The following GRIA1 variants were observed in gnomAD, a reference collection of about 807,000 sequenced individuals.
The protein encoded by GRIA1 is glutamate receptor 1.
In GRIA1, 31 loss-of-function variants were observed where a neutral mutation model predicts 99.2. The observed-to-expected ratio is 0.31, with a 90% CI of 0.23 to 0.42. GRIA1 has a LOEUF of 0.42. Among genes scored for constraint, GRIA1 ranks in the 10% least tolerant of loss-of-function variants. GRIA1 has a pLI of 1.00. For missense variants in GRIA1, 782 were observed against 1,157.5 expected, an observed-to-expected ratio of 0.68 and a Z score of 4.71; for synonymous variants, 438 against 432.4, an observed-to-expected ratio of 1.01 and a Z score of -0.16.
At chr5:153,527,809 T>C (rs976170605) in intron 2 of GRIA1, among the ~76,000 whole-genome samples, 1 of 152,244 alleles carries the variant, frequency 6.6e-6, no homozygotes, top group Non-Finnish European at 1.5e-5. Flanking sequence ...TATATCTTCG[T>C]TGGTGAAATG....
rs115026250 is a variant in GRIA1, at chr5:153,764,799, T to C, written c.2022+167T>C. Among the ~76,000 whole-genome samples, 535 of 152,316 alleles carry C rather than the reference T, an allele frequency of 3.5e-3. 3 individuals carry two copies. The highest frequency in any genetic ancestry group is 0.012 in the African/African-American group (508 of 41,580). On this transcript the variant is annotated intron_variant, in intron 12 of 15. Coordinates refer to ENST00000285900, the MANE Select transcript of GRIA1 (RefSeq NM_000827.4). The stretch of plus-strand genomic sequence containing the variant: ...ATTTCTAAGCTTTCTACCACCCCCC[T>C]GAGAAATCTACATTTCTACATTTGT...
At chr5:153,780,337 G>C (rs181459002) in intron 13 of GRIA1, among the ~76,000 whole-genome samples, 4 of 152,260 alleles carry the variant, frequency 2.6e-5, no homozygotes, top group South Asian at 2.1e-4. Context: ...TCTGCCTCCC[G>C]CATTTACGAC....
At chr5:153,761,817 A>G (rs1215578807) in intron 11 of GRIA1, among the ~76,000 whole-genome samples, 3 of 152,250 alleles carry the variant, frequency 2.0e-5, no homozygotes, top group Non-Finnish European at 2.9e-5. Flanking sequence ...TATGTACTCA[A>G]TGAAATAGTA....
intron 13 of GRIA1, among the ~76,000 whole-genome samples, chr5:153,787,896 C>A (rs1421573228): frequency 1.3e-5 from 2 of 151,912 alleles, no homozygotes; most frequent in South Asian, 2.1e-4. Flanking sequence ...CTGGCTAACA[C>A]AGTGAAACCC....
At chr5:153,724,854 C>T (rs1482061399) in intron 11 of GRIA1, among the ~76,000 whole-genome samples, 1 of 152,200 alleles carries the variant, frequency 6.6e-6, no homozygotes, top group African/African-American at 2.4e-5. Context: ...CTTCCCCAAT[C>T]TAGCAAGGCA....
chr5:153,521,662 AG>A (rs1757157100), intron 2 of GRIA1, among the ~76,000 whole-genome samples: 1 of 152,204 alleles, frequency 6.6e-6, no homozygotes, highest in Non-Finnish European at 1.5e-5. Context: ...CTTCAGATGT[AG>A]CTCTGGTGGT....
chr5:153,493,899 A>C (rs747305286), intron 1 of GRIA1, 29 bp from the exon 2 acceptor site: 10 of 1,613,174 alleles, frequency 6.2e-6, no homozygotes, highest in Non-Finnish European at 7.6e-6. Context: ...TCTAGCCCAT[A>C]TACCATGTTG....
intron 11 of GRIA1, among the ~76,000 whole-genome samples, chr5:153,762,537 T>C (rs1047477002): frequency 2.0e-5 from 3 of 152,212 alleles, no homozygotes; most frequent in South Asian, 2.1e-4. Context: ...TTTGTAACTA[T>C]CTTGCTTGAC....
chr5:153,738,404 A>AAG (rs1197846731), intron 11 of GRIA1, among the ~76,000 whole-genome samples: 1 of 152,236 alleles, frequency 6.6e-6, no homozygotes, highest in East Asian at 1.9e-4. Flanking sequence ...AAATACACCT[A>AAG]ACCTTGCCAA....
intron 11 of GRIA1, among the ~76,000 whole-genome samples, chr5:153,756,321 G>T (rs1164978596): frequency 1.3e-5 from 2 of 152,136 alleles, no homozygotes; most frequent in African/African-American, 4.8e-5. Flanking sequence ...TAGTTGGGAA[G>T]TACACACATC....
intron 7 of GRIA1, among the ~76,000 whole-genome samples, chr5:153,685,675 A>G (rs1053147688): frequency 1.3e-5 from 2 of 152,222 alleles, no homozygotes; most frequent in Non-Finnish European, 2.9e-5. Context: ...CTGGGGTTAA[A>G]TCCAAGTCTT....
At position 153,811,331 on chromosome 5, in the gene GRIA1, A is replaced by T; in HGVS notation, c.*106A>T. 4 of 707,990 alleles carry T rather than the reference A, an allele frequency of 5.6e-6. 1 individual carries two copies. In the South Asian group the frequency reaches 6.5e-5, roughly 12 times the overall value. 43.9% of individuals were successfully genotyped at this position (707,990 alleles called of 1,614,324 possible). On this transcript the variant is annotated 3_prime_UTR_variant, in exon 16 of 16. Transcript: ENST00000285900. ...ACAAAATGAAACGCAACCACCACCA[A>T]CCACTGCGACCACAAGAAGGATGAT...
intron 11 of GRIA1, among the ~76,000 whole-genome samples, chr5:153,717,806 G>T (rs538919375): frequency 1.3e-5 from 2 of 152,270 alleles, no homozygotes; most frequent in South Asian, 4.1e-4. Flanking sequence ...GGATTCAAAG[G>T]GTCCTGGCTG....
At chr5:153,621,224 T>C (rs1767013284) in intron 2 of GRIA1, among the ~76,000 whole-genome samples, 1 of 152,202 alleles carries the variant, frequency 6.6e-6, no homozygotes, top group South Asian at 2.1e-4. Flanking sequence ...CTAAAAATCA[T>C]TAGGTTCTTG....
intron 2 of GRIA1, among the ~76,000 whole-genome samples, chr5:153,509,392 C>T (rs576970308): frequency 6.6e-6 from 1 of 152,300 alleles, no homozygotes; most frequent in South Asian, 2.1e-4. Flanking sequence ...CCCTGTGAAG[C>T]TGCTTCTCCC....
intron 2 of GRIA1, among the ~76,000 whole-genome samples, chr5:153,621,018 A>G (rs1766990510): frequency 2.0e-5 from 3 of 152,218 alleles, no homozygotes; most frequent in South Asian, 4.1e-4. Flanking sequence ...ACAGGCAACA[A>G]TTAATTCATG....
At chr5:153,677,370 A>G (rs1756666962) in intron 7 of GRIA1, among the ~76,000 whole-genome samples, 1 of 152,246 alleles carries the variant, frequency 6.6e-6, no homozygotes, top group African/African-American at 2.4e-5. Flanking sequence ...CTTGTAGTGT[A>G]AAAGCTGTAT....
chr5:153,734,050 A>T (rs1761219736), intron 11 of GRIA1, among the ~76,000 whole-genome samples: 1 of 152,180 alleles, frequency 6.6e-6, no homozygotes, highest in Non-Finnish European at 1.5e-5. Flanking sequence ...AAAGTGGCAG[A>T]ATGCACATTC....
Position 153,512,297 on chromosome 5 carries a change from C to A in GRIA1, c.220+18232C>A, listed in dbSNP as rs576335400. Among the ~76,000 whole-genome samples the A allele has an allele frequency of 2.2e-4, 34 of 152,156 alleles. 1 individual carries two copies. The highest frequency in any genetic ancestry group is 8.0e-4 in the African/African-American group (33 of 41,498). On this transcript the variant is annotated intron_variant, in intron 2 of 15. Transcript: ENST00000285900. ...TTACCTTGAGTGATTGGACTTTACA[C>A]GCAGGTAATAGGAATAATAGTGTCA...
Sources: gnomAD v4.1 joint callset for allele counts (sites outside exome capture counted in the v4.1 genomes callset) on GRCh38, gnomAD v4.1.1 for gene constraint, MANE v1.5 for transcripts, NCBI Gene and HGNC (gene_info 2026-07-23, HGNC 2026-07-21) for gene names.